Variants in AKAP13 observed in about 807,000 individuals in gnomAD.
AKAP13 encodes A-kinase anchor protein 13.
In AKAP13, 80 loss-of-function variants were observed where a neutral mutation model predicts 264.5. The observed-to-expected ratio is 0.30, with a 90% CI of 0.25 to 0.36. The LOEUF (loss-of-function observed/expected upper bound fraction) is 0.36, where lower values mean the gene tolerates loss of function less well. Ranked by LOEUF, AKAP13 falls within the 10% of genes least tolerant of loss-of-function variation. The pLI is 1.00. For synonymous variants in AKAP13, 1,380 were observed against 1,250.2 expected (o/e 1.10, Z -2.19); for missense variants, 3,712 against 3,435.2 (o/e 1.08, Z -2.01).
At chr15:85,722,567 C>T (rs2087354540) in intron 25 of AKAP13, among the ~76,000 whole-genome samples, 1 of 152,158 alleles carries the variant, frequency 6.6e-6, no homozygotes, top group South Asian at 2.1e-4. Flanking sequence ...TGATTCCATC[C>T]AGAGTTCAAT....
At chr15:85,429,451 T>G (rs187469502) in intron 1 of AKAP13, among the ~76,000 whole-genome samples, 97 of 152,340 alleles carry the variant, frequency 6.4e-4, no homozygotes, top group Non-Finnish European at 1.2e-3. Context: ...TGGACTAATT[T>G]TCTGTATTAG....
chr15:85,508,315 G>A (rs1184229112), intron 2 of AKAP13, among the ~76,000 whole-genome samples: 1 of 151,836 alleles, frequency 6.6e-6, no homozygotes, highest in Non-Finnish European at 1.5e-5. Flanking sequence ...GCTAATTTTT[G>A]TATTTTTTGT....
At position 85,708,206 on chromosome 15, in the gene AKAP13, C is replaced by G; in HGVS notation, c.5532+120C>G. ...GTTTATTTTAATCATTTGGTACCAA[C>G]TTTGAGAACAAATTATAACTAAAAA... On this transcript the variant is annotated intron_variant, in intron 18 of 36. Transcript: ENST00000394518. This position sits in a 1 kb window ranked among gnomAD's most constrained non-coding sequence, Gnocchi z 4.3. 1 of 860,560 alleles carries G rather than the reference C, an allele frequency of 1.2e-6. No homozygotes were observed. The highest frequency in any genetic ancestry group is 1.8e-6 in the Non-Finnish European group (1 of 569,294). 53.3% of individuals were successfully genotyped at this position (860,560 alleles called of 1,614,324 possible).
chr15:85,453,424 A>G (rs1404995437), intron 1 of AKAP13, among the ~76,000 whole-genome samples: 1 of 152,184 alleles, frequency 6.6e-6, no homozygotes, highest in Non-Finnish European at 1.5e-5. Context: ...TGGTCACCTC[A>G]GATTTTCCAG....
chr15:85,404,703 A>T (rs1042770674), intron 1 of AKAP13, among the ~76,000 whole-genome samples: 9 of 152,188 alleles, frequency 5.9e-5, no homozygotes, highest in African/African-American at 2.2e-4. Context: ...TGTATATCTC[A>T]TTCCCTTTAC....
intron 6 of AKAP13, among the ~76,000 whole-genome samples, chr15:85,577,077 T>G (rs2151301765): frequency 6.6e-6 from 1 of 152,342 alleles, no homozygotes; most frequent in Non-Finnish European, 1.5e-5. Flanking sequence ...TTTTGAATAC[T>G]CTTAAGGAGC....
intron 3 of AKAP13, among the ~76,000 whole-genome samples, chr15:85,528,011 C>T (rs1033667596): frequency 1.3e-5 from 2 of 152,144 alleles, no homozygotes; most frequent in African/African-American, 4.8e-5. Flanking sequence ...GCTGATGAAA[C>T]AAAGTTCCTA....
chr15:85,593,242 G>T (rs1000957707), intron 8 of AKAP13, among the ~76,000 whole-genome samples: 6 of 152,272 alleles, frequency 3.9e-5, no homozygotes, highest in Non-Finnish European at 5.9e-5. Context: ...AACCTGGGAG[G>T]TGGAGGTTGC....
chr15:85,543,213 G>C (rs1451177079), intron 4 of AKAP13, among the ~76,000 whole-genome samples: 1 of 152,182 alleles, frequency 6.6e-6, no homozygotes, highest in East Asian at 1.9e-4. Context: ...CCAGAAATTT[G>C]ATTTGCCCTT....
chr15:85,605,054 A>G (rs1596683543), intron 8 of AKAP13, among the ~76,000 whole-genome samples: 1 of 152,076 alleles, frequency 6.6e-6, no homozygotes, highest in African/African-American at 2.4e-5. Flanking sequence ...CCTGGTAATA[A>G]TTTATGCTCT....
In AKAP13 at chr15:85,438,849, T is replaced by C. The variant is rs1203817611; in HGVS notation, c.-11-46861T>C. Among the ~76,000 whole-genome samples, 5 of 150,516 alleles carry C rather than the reference T, an allele frequency of 3.3e-5. No individual in the cohort carries two copies. In the East Asian group the frequency reaches 9.8e-4, roughly 29 times the overall value. On this transcript the variant is annotated intron_variant, in intron 1 of 36. Coordinates refer to ENST00000394518, the MANE Select transcript of AKAP13 (RefSeq NM_007200.5). ...GGATTAAAGATTTAAACGTTAGACC[T>C]AAAACCATAAAAACCCTAGAAGAAA... is the stretch of plus-strand genomic sequence containing the variant.
At chr15:85,566,553 AT>A (rs1567128853) in intron 5 of AKAP13, among the ~76,000 whole-genome samples, 4 of 152,114 alleles carry the variant, frequency 2.6e-5, no homozygotes. Context: ...TGGTCTTTTA[AT>A]ATTAGTTTAT....
chr15:85,685,452 T>C (rs2084846176), intron 16 of AKAP13: 3 of 147,744 alleles, frequency 2.0e-5, no homozygotes. Flanking sequence ...ATTAAATAAA[T>C]GTTTAAACCG....
At chr15:85,441,803 A>G (rs2073663739) in intron 1 of AKAP13, among the ~76,000 whole-genome samples, 1 of 152,154 alleles carries the variant, frequency 6.6e-6, no homozygotes, top group Non-Finnish European at 1.5e-5. Flanking sequence ...ACTGCAGTAA[A>G]TAGTCTTACA....
chr15:85,650,791 C>CAAAAA (rs1191739643), intron 10 of AKAP13, among the ~76,000 whole-genome samples: 5 of 65,150 alleles, frequency 7.7e-5, no homozygotes, highest in Non-Finnish European at 1.5e-4. Flanking sequence ...AAAAAAAAAA[C>CAAAAA]AACAAAAACT....
At position 85,514,306 on chromosome 15, in the gene AKAP13, T is replaced by TA. The variant is rs1264195219; in HGVS notation, c.34-7115dup. 2.2e-5 allele frequency among the ~76,000 whole-genome samples: 3 copies of TA among 138,480 alleles called. 1 individual carries two copies. Among genetic ancestry groups the TA allele is most frequent in the African/African-American group, 5.8e-5 (2 of 34,410 alleles). 90.8% of individuals were successfully genotyped at this position (138,480 alleles called of 152,430 possible). A position where few individuals can be genotyped will look rare whatever the true frequency, so the allele number is the denominator to read the frequency against. On this transcript the variant is annotated intron_variant, in intron 2 of 36. Transcript: ENST00000394518. ...TATGGACTCATGACTTCCTATTTGT[T>TA]AAAAAAATTGTTTATAATTTATTGC...
chr15:85,584,019 G>T (rs2079231808), intron 7 of AKAP13, among the ~76,000 whole-genome samples: 1 of 152,112 alleles, frequency 6.6e-6, no homozygotes, highest in Non-Finnish European at 1.5e-5. Context: ...TGAAGAAATT[G>T]GTACTTTCTT....
chr15:85,399,519 A>AAAAAAAT (rs2071303352), intron 1 of AKAP13, among the ~76,000 whole-genome samples: 1 of 124,578 alleles, frequency 8.0e-6, no homozygotes, highest in South Asian at 2.5e-4. Flanking sequence ...AAAAAAAAAA[A>AAAAAAAT]AAATAAAAAA....
At position 85,457,090 on chromosome 15, in the gene AKAP13, A is replaced by G. The variant is rs1465060844; in HGVS notation, c.-11-28620A>G. Among the ~76,000 whole-genome samples, 4 of 152,354 alleles carry G rather than the reference A, an allele frequency of 2.6e-5. No homozygotes were observed. The East Asian group carries it at 7.7e-4, about 29-fold the overall frequency. ...TTTCTGATCAGTAACTTGAACCTGT[A>G]AAGTGAAGGTTGAATGAATTGCCCC... On this transcript the variant is annotated intron_variant, in intron 1 of 36. Coordinates refer to ENST00000394518, the MANE Select transcript of AKAP13 (RefSeq NM_007200.5).
Sources: gnomAD v4.1 joint callset for allele counts (sites outside exome capture counted in the v4.1 genomes callset) on GRCh38, gnomAD v4.1.1 for gene constraint, Gnocchi (gnomAD v3.1) non-coding constraint, MANE v1.5 for transcripts, NCBI Gene and HGNC (gene_info 2026-07-23, HGNC 2026-07-21) for gene names.